TMTC1: variants seen among roughly 807,000 people sequenced by gnomAD.
The protein encoded by TMTC1 is protein O-mannosyl-transferase TMTC1.
A neutral mutation model predicts 104.8 loss-of-function variants in TMTC1; 73 were observed. The observed-to-expected ratio is 0.70, with a 90% CI of 0.58 to 0.85. The LOEUF is 0.85. TMTC1 is among the 40% of genes least tolerant of loss of function. The pLI, the probability that TMTC1 is intolerant of heterozygous loss-of-function variation, is 0.00. For missense variants in TMTC1, 1,035 were observed against 1,096.1 expected (o/e 0.94, Z 0.79); for synonymous variants, 434 against 428.7 (o/e 1.01, Z -0.15).
chr12:29,723,415 C>G (rs183647701), intron 5 of TMTC1, among the ~76,000 whole-genome samples: 1 of 152,144 alleles, frequency 6.6e-6, no homozygotes, highest in East Asian at 1.9e-4. Flanking sequence ...GCATGGAAGA[C>G]AGAGGAACAC....
intron 7 of TMTC1, among the ~76,000 whole-genome samples, chr12:29,601,154 T>C (rs759618541): frequency 5.9e-5 from 9 of 151,604 alleles, no homozygotes; most frequent in Non-Finnish European, 8.8e-5. Context: ...ACTGGAGTCA[T>C]AGAAAGGTTT....
intron 11 of TMTC1, among the ~76,000 whole-genome samples, chr12:29,525,508 C>A (rs1484959708): frequency 1.3e-5 from 2 of 151,718 alleles, no homozygotes; most frequent in Non-Finnish European, 2.9e-5. Context: ...TTTCTGATAT[C>A]ATTTTCAGAA....
intron 5 of TMTC1, among the ~76,000 whole-genome samples, chr12:29,738,159 C>A (rs1036052986): frequency 2.0e-5 from 3 of 152,048 alleles, no homozygotes; most frequent in Non-Finnish European, 4.4e-5. Flanking sequence ...ATTTTATAGA[C>A]CTGGAAATCA....
intron 5 of TMTC1, among the ~76,000 whole-genome samples, chr12:29,646,100 G>A (rs546718837): frequency 1.2e-4 from 19 of 152,254 alleles, no homozygotes; most frequent in Admixed American, 1.2e-3. Flanking sequence ...ATGTGGAGAG[G>A]TGAAAGGAAA....
chr12:29,767,996 C>A lies in TMTC1; in HGVS notation c.382G>T (p.Val128Leu), dbSNP rs779140795. The change falls in exon 2 of 18, where the codon GTG becomes TTG. Residue 128 changes from valine to leucine, a missense_variant. Val to Leu is a conservative substitution (Grantham distance 32). Transcript: ENST00000539277. Reference sequence around the variant, plus strand: ...GTTTTATCACAGGTGTACATCAGCACAAGAGTCACTAAGCAGTGTAAAATT... The same window carrying A: ...GTTTTATCACAGGTGTACATCAGCAAAAGAGTCACTAAGCAGTGTAAAATT... The part of the protein sequence containing the change: ...NIILHCLVTL[V>L]LMYTCDKTVF... 1.1e-5 allele frequency: 18 copies of A among 1,613,676 alleles called. No individual in the cohort carries two copies. The East Asian group carries it at 2.0e-4, about 18-fold the overall frequency.
At chr12:29,570,881 A>ACC (rs71045818) in intron 9 of TMTC1, among the ~76,000 whole-genome samples, 1,061 of 30,304 alleles carry the variant, frequency 0.035, 92 homozygotes, top group Non-Finnish European at 0.061. Context: ...AAACAGAAAC[A>ACC]CCCCCCCCCC....
chr12:29,758,577 C>T (rs1430132473), intron 3 of TMTC1, 127 bp downstream of exon 3: 1 of 944,888 alleles, frequency 1.1e-6, no homozygotes, highest in African/African-American at 1.6e-5. Context: ...GTTTCCTATT[C>T]CTGGTCCCTG....
intron 6 of TMTC1, among the ~76,000 whole-genome samples, chr12:29,626,302 G>A (rs756883757): frequency 1.3e-5 from 2 of 152,152 alleles, no homozygotes; most frequent in Non-Finnish European, 2.9e-5. Context: ...TGAAGTTTAA[G>A]TGAAGGGAGT....
intron 5 of TMTC1, among the ~76,000 whole-genome samples, chr12:29,722,479 T>C (rs1373533821): frequency 6.6e-6 from 1 of 152,186 alleles, no homozygotes; most frequent in East Asian, 1.9e-4. Flanking sequence ...CTTTCACTGC[T>C]TCTGTTCACT....
intron 6 of TMTC1, among the ~76,000 whole-genome samples, chr12:29,608,127 T>A (rs779888813): frequency 6.6e-6 from 1 of 152,158 alleles, no homozygotes; most frequent in Non-Finnish European, 1.5e-5. Context: ...AAGAACAACA[T>A]ACTTATTTGA....
At position 29,687,747 on chromosome 12, in the gene TMTC1, TG is replaced by T. The variant is rs1250382034; in HGVS notation, c.939-54412del. On this transcript the variant is annotated intron_variant, in intron 5 of 17. Coordinates refer to ENST00000539277, the MANE Select transcript of TMTC1 (RefSeq NM_001193451.2). ...TGGAGGGAGCAGTAGGGTTGGTGCC[TG>T]GTGAGGGATCTCTTCTTGGCTTGCA... Among the ~76,000 whole-genome samples the T allele has an allele frequency of 2.0e-5, 3 of 152,228 alleles. No homozygotes were observed. The East Asian group carries it at 5.8e-4, about 29-fold the overall frequency.
intron 5 of TMTC1, among the ~76,000 whole-genome samples, chr12:29,693,664 A>C (rs1474436966): frequency 6.6e-6 from 1 of 152,238 alleles, no homozygotes; most frequent in Non-Finnish European, 1.5e-5. Context: ...ACAGTATTTA[A>C]ATTATACCTC....
At position 29,586,756 on chromosome 12, in the gene TMTC1, A is replaced by T. The variant is rs552070400; in HGVS notation, c.1251-3182T>A. ...TTACGTTTATTGATTTTCGAATGTT[A>T]AACCAGCCTTGCATCCCAGGAATGA... is the stretch of plus-strand genomic sequence containing the variant. On this transcript the variant is annotated intron_variant, in intron 7 of 17. Transcript: ENST00000539277. Among the ~76,000 whole-genome samples the T allele has an allele frequency of 2.2e-5, 3 of 136,332 alleles. 1 individual carries two copies. The highest frequency in any genetic ancestry group is 6.0e-5 in the African/African-American group (2 of 33,114). 89.4% of individuals were successfully genotyped at this position (136,332 alleles called of 152,430 possible).
At chr12:29,627,688 CA>C (rs34808896) in intron 6 of TMTC1, among the ~76,000 whole-genome samples, 19,101 of 140,526 alleles carry the variant, frequency 0.14, 1,232 homozygotes, top group Non-Finnish European at 0.17. Context: ...TTTAGTAGTC[CA>C]AAAAAAAAAA....
intron 5 of TMTC1, among the ~76,000 whole-genome samples, chr12:29,646,828 T>C (rs1429227001): frequency 6.6e-6 from 1 of 152,140 alleles, no homozygotes; most frequent in Non-Finnish European, 1.5e-5. Flanking sequence ...TCAAAACAGG[T>C]GGCTCCCCAA....
intron 5 of TMTC1, among the ~76,000 whole-genome samples, chr12:29,731,162 C>G (rs553790701): frequency 6.6e-6 from 1 of 152,064 alleles, no homozygotes; most frequent in Admixed American, 6.6e-5. Flanking sequence ...AAAAGTCTAG[C>G]AAAGTGGATT....
chr12:29,654,850 G>A (rs779526802), intron 5 of TMTC1, among the ~76,000 whole-genome samples: 3 of 152,124 alleles, frequency 2.0e-5, no homozygotes, highest in Non-Finnish European at 2.9e-5. Context: ...AAAGAAGCCA[G>A]TCACAGAATA....
chr12:29,673,851 C>A (rs1293882770), intron 5 of TMTC1, among the ~76,000 whole-genome samples: 1 of 143,136 alleles, frequency 7.0e-6, no homozygotes, highest in Non-Finnish European at 1.5e-5. Context: ...CCTCTGCCTC[C>A]CAGGTTCAAG....
At chr12:29,559,452 TC>T (rs1945325255) in intron 9 of TMTC1, among the ~76,000 whole-genome samples, 1 of 152,228 alleles carries the variant, frequency 6.6e-6, no homozygotes, top group Admixed American at 6.5e-5. Flanking sequence ...CTCTTTTGTT[TC>T]CTTCAAATCA....
Sources: allele counts gnomAD v4.1 joint callset (sites outside exome capture counted in the v4.1 genomes callset), GRCh38; gene constraint gnomAD v4.1.1; transcripts MANE v1.5; gene names NCBI Gene and HGNC (gene_info 2026-07-23, HGNC 2026-07-21).